The following NKD1 variants were observed in gnomAD, a reference collection of about 807,000 sequenced individuals.
NKD1 encodes NKD inhibitor of Wnt signaling pathway 1.
In NKD1, 21 loss-of-function variants were observed where a neutral mutation model predicts 56.0. The observed-to-expected ratio is 0.38, with a 90% CI of 0.27 to 0.54. The LOEUF (loss-of-function observed/expected upper bound fraction) is 0.54. Among genes scored for constraint, NKD1 ranks in the 20% least tolerant of loss-of-function variants. The probability of loss-of-function intolerance (pLI) is 0.82; values close to 1 mark genes in which losing one functional copy is unlikely to be tolerated. For synonymous variants in NKD1, 263 were observed against 265.7 expected (o/e 0.99, Z 0.10); for missense variants, 578 against 642.7 (o/e 0.90, Z 1.09).
intron 3 of NKD1, among the ~76,000 whole-genome samples, chr16:50,599,726 G>A (rs151115517): frequency 8.4e-4 from 128 of 152,226 alleles, no homozygotes; most frequent in African/African-American, 2.6e-3. Flanking sequence ...CTGTCTAGTC[G>A]GAAAATTGTG....
intron 3 of NKD1, chr16:50,607,659 T>C (rs1282430496): frequency 6.5e-6 from 1 of 154,334 alleles, no homozygotes; most frequent in East Asian, 1.9e-4. Flanking sequence ...AGATTCAGTG[T>C]TTAGAACCAT....
chr16:50,554,746 G>A (rs1482212190), intron 3 of NKD1, among the ~76,000 whole-genome samples: 1 of 152,116 alleles, frequency 6.6e-6, no homozygotes, highest in Non-Finnish European at 1.5e-5. Context: ...AGCCTCCTGA[G>A]TAGCTGGGAC....
intron 4 of NKD1, among the ~76,000 whole-genome samples, chr16:50,621,246 C>A (rs1962080266): frequency 1.3e-5 from 2 of 152,228 alleles, no homozygotes; most frequent in Admixed American, 1.3e-4. Context: ...GCCATGGTCC[C>A]TAAGCTCCCT....
intron 3 of NKD1, among the ~76,000 whole-genome samples, chr16:50,603,442 T>C (rs1961641768): frequency 6.6e-6 from 1 of 152,208 alleles, no homozygotes; most frequent in South Asian, 2.1e-4. Context: ...GGTAGGCTGC[T>C]CGGATCTAAG....
chr16:50,565,229 A>C (rs1960732140), intron 3 of NKD1, among the ~76,000 whole-genome samples: 1 of 151,878 alleles, frequency 6.6e-6, no homozygotes, highest in African/African-American at 2.4e-5. Flanking sequence ...AAATACAAAA[A>C]ATTACCCAGG....
chr16:50,571,110 G>A (rs1596712461), intron 3 of NKD1: 2 of 537,382 alleles, frequency 3.7e-6, no homozygotes, highest in Non-Finnish European at 4.8e-6. Context: ...GGAAGGAGGG[G>A]CTGCCCATGG....
At chr16:50,593,470 G>A (rs902558685) in intron 3 of NKD1, among the ~76,000 whole-genome samples, 20 of 152,120 alleles carry the variant, frequency 1.3e-4, no homozygotes, top group African/African-American at 4.6e-4. Context: ...CTCTCAGTAG[G>A]GTCAGGCTCT....
chr16:50,575,022 A>G, intron 3 of NKD1: 2 of 985,258 alleles, frequency 2.0e-6, no homozygotes, highest in Non-Finnish European at 2.4e-6. Context: ...CAGCTTGAAT[A>G]CAATAGTAAC....
chr16:50,574,198 C>T, intron 3 of NKD1: 2 of 985,046 alleles, frequency 2.0e-6, no homozygotes, highest in Non-Finnish European at 2.4e-6. Flanking sequence ...ACCACTACCT[C>T]TTCTGGGACT....
In NKD1 at chr16:50,586,000, A is replaced by T. The variant is rs140278625; in HGVS notation, c.193-22294A>T. Among the ~76,000 whole-genome samples, 7 of 152,232 alleles carry T rather than the reference A, an allele frequency of 4.6e-5. No homozygotes were observed. In the East Asian group the frequency reaches 7.8e-4, roughly 17 times the overall value. On this transcript the variant is annotated intron_variant, in intron 3 of 9. Transcript: ENST00000268459. ...CTAGGCATTGCTCTAAGGTTTCACGAGGCAGGGATTCTTCTCATCTTCATG... is the reference window on the plus strand; with the variant it reads ...CTAGGCATTGCTCTAAGGTTTCACGTGGCAGGGATTCTTCTCATCTTCATG...
intron 3 of NKD1, among the ~76,000 whole-genome samples, chr16:50,566,944 G>A (rs190522519): frequency 5.9e-5 from 9 of 152,148 alleles, no homozygotes; most frequent in East Asian, 1.9e-4. Context: ...TCTTACATCC[G>A]TCATTCCAAT....
intron 5 of NKD1, chr16:50,625,252 C>G: frequency 1.8e-6 from 1 of 566,218 alleles, no homozygotes; most frequent in Non-Finnish European, 3.2e-6. Flanking sequence ...ACCCACAGAC[C>G]ACCAGGCACC....
chr16:50,593,271 G>A (rs1463264604), intron 3 of NKD1, among the ~76,000 whole-genome samples: 1 of 152,134 alleles, frequency 6.6e-6, no homozygotes, highest in Non-Finnish European at 1.5e-5. Context: ...AGCTCACCCT[G>A]GCTTAAGCCA....
At chr16:50,625,137 C>T (rs1051447333) in intron 5 of NKD1, 36 of 334,378 alleles carry the variant, frequency 1.1e-4, no homozygotes, top group Non-Finnish European at 2.3e-5. Context: ...CCCAAATTGC[C>T]GCTCCTTTGC....
At chr16:50,609,329 C>T (rs1009116923) in intron 4 of NKD1, among the ~76,000 whole-genome samples, 4 of 152,254 alleles carry the variant, frequency 2.6e-5, no homozygotes, top group Non-Finnish European at 5.9e-5. Flanking sequence ...GAACGGATGA[C>T]AGCGTGAAGC....
At position 50,636,609 on chromosome 16, in the gene NKD1, A is replaced by G. The variant is rs555829727; in HGVS notation, c.*2828A>G. ...TCCCTCTTTGTAGCTCTGTGCTTCA[A>G]TTGAAATACTGTGCCTCAGTTTCTC... On this transcript the variant is annotated 3_prime_UTR_variant, in exon 10 of 10. Transcript: ENST00000268459. The G allele has an allele frequency of 7.9e-4, 121 of 152,324 alleles. No individual in the cohort carries two copies. Among genetic ancestry groups the G allele is most frequent in the African/African-American group, 2.6e-3 (110 of 41,568 alleles). 9.4% of individuals were successfully genotyped at this position (152,324 alleles called of 1,614,324 possible).
intron 3 of NKD1, among the ~76,000 whole-genome samples, chr16:50,602,295 C>T (rs1403676050): frequency 6.6e-6 from 1 of 152,188 alleles, no homozygotes; most frequent in Non-Finnish European, 1.5e-5. Context: ...AAGAGATCTG[C>T]CCATTGATGG....
At chr16:50,589,425 T>C (rs1226023030) in intron 3 of NKD1, among the ~76,000 whole-genome samples, 3 of 152,166 alleles carry the variant, frequency 2.0e-5, no homozygotes, top group African/African-American at 7.2e-5. Flanking sequence ...TTTGTTTGGT[T>C]TTGCTTTTCT....
intron 3 of NKD1, among the ~76,000 whole-genome samples, chr16:50,582,189 C>A (rs765099872): frequency 3.3e-5 from 5 of 152,146 alleles, no homozygotes; most frequent in African/African-American, 4.8e-5. Context: ...GTCAGTGGGC[C>A]TCAGATCATG....
Sources: allele counts gnomAD v4.1 joint callset (sites outside exome capture counted in the v4.1 genomes callset), GRCh38; gene constraint gnomAD v4.1.1; transcripts MANE v1.5; gene names NCBI Gene and HGNC (gene_info 2026-07-23, HGNC 2026-07-21).